SHISA9: variants seen among roughly 807,000 people sequenced by gnomAD.
SHISA9 encodes protein shisa-9.
Under a neutral mutation model 38.0 loss-of-function variants are expected in SHISA9, and 13 were observed. That is an observed-to-expected ratio of 0.34 (90% confidence interval 0.22 to 0.54). The LOEUF is 0.54. Among genes scored for constraint, SHISA9 ranks in the 20% least tolerant of loss-of-function variants. SHISA9 has a pLI of 0.91. For missense variants in SHISA9, 538 were observed against 575.8 expected (o/e 0.93, Z 0.67); for synonymous variants, 275 against 242.0 (o/e 1.14, Z -1.27).
chr16:13,134,002 C>A (rs928496848), intron 2 of SHISA9, among the ~76,000 whole-genome samples: 7 of 152,174 alleles, frequency 4.6e-5, no homozygotes, highest in African/African-American at 1.7e-4. Context: ...TATGCCTGCA[C>A]TAGGAGCAGA....
downstream of SHISA9, among the ~76,000 whole-genome samples, chr16:13,241,601 G>T (rs572955122): frequency 6.6e-6 from 1 of 152,352 alleles, no homozygotes; most frequent in South Asian, 2.1e-4. Context: ...AAGACCCTAA[G>T]GATGTGGGCA....
At chr16:13,189,088 T>C (rs944572533) in intron 2 of SHISA9, among the ~76,000 whole-genome samples, 2 of 152,236 alleles carry the variant, frequency 1.3e-5, no homozygotes, top group African/African-American at 4.8e-5. Flanking sequence ...CCCAAGGAAC[T>C]ATCCCTGCTA....
In SHISA9 at chr16:12,970,351, G is replaced by GTA. The variant is rs1182452972; in HGVS notation, c.691+53537_691+53538insAT. Among the ~76,000 whole-genome samples the GTA allele has an allele frequency of 6.7e-5, 3 of 44,898 alleles. No individual in the cohort carries two copies. In the South Asian group the frequency reaches 1.4e-3, roughly 21 times the overall value. The allele number at this position is 44,898 out of a possible 152,430, so 29.5% of individuals were successfully genotyped here. Reference sequence around the variant, plus strand: ...CATATATATATATATATACATATATGTGTATATATATATATATACATATAT... The same window carrying GTA: ...CATATATATATATATATACATATATGTATGTATATATATATATATACATATAT... On this transcript the variant is annotated intron_variant, in intron 2 of 4. Coordinates refer to ENST00000558583, the MANE Select transcript of SHISA9 (RefSeq NM_001145204.3).
At chr16:13,007,151 A>T (rs2072608535) in intron 2 of SHISA9, among the ~76,000 whole-genome samples, 1 of 152,042 alleles carries the variant, frequency 6.6e-6, no homozygotes, top group Non-Finnish European at 1.5e-5. Flanking sequence ...AGGAACTTCA[A>T]CCTCCCACTC....
At chr16:13,113,211 A>T (rs1175582529) in intron 2 of SHISA9, among the ~76,000 whole-genome samples, 1 of 110,008 alleles carries the variant, frequency 9.1e-6, no homozygotes, top group Non-Finnish European at 2.0e-5. Context: ...CTCCATCTCA[A>T]AAAAAAAAAA....
chr16:13,232,231 A>C (rs2051338223), intron 4 of SHISA9, among the ~76,000 whole-genome samples: 1 of 152,228 alleles, frequency 6.6e-6, no homozygotes. Context: ...GAAAGTTCAA[A>C]AGTTTATTGC....
intron 2 of SHISA9, among the ~76,000 whole-genome samples, chr16:13,073,957 G>GTTTTTTTTTTTTTTTTTTTTTTTTTTT (rs11442270): frequency 9.6e-6 from 1 of 103,858 alleles, no homozygotes; most frequent in Non-Finnish European, 2.1e-5. Context: ...TCTGCTGGTC[G>GTTTTTTTTTTTTTTTTTTTTTTTTTTT]TTTTTTTTTT....
At chr16:13,283,614 C>A in the SHISA9 span, among the ~76,000 whole-genome samples, 1 of 151,934 alleles carries the variant, frequency 6.6e-6, no homozygotes, top group Non-Finnish European at 1.5e-5. Flanking sequence ...ATGGGGGAAA[C>A]CACCCCCATG....
intron 2 of SHISA9, among the ~76,000 whole-genome samples, chr16:12,984,629 T>C (rs1382443760): frequency 6.6e-6 from 1 of 152,068 alleles, no homozygotes; most frequent in Non-Finnish European, 1.5e-5. Context: ...GGGAAATTGG[T>C]TCTTGGGGTT....
At chr16:13,378,919 T>C in the SHISA9 span, among the ~76,000 whole-genome samples, 85 of 152,374 alleles carry the variant, frequency 5.6e-4, no homozygotes, top group South Asian at 4.1e-3. Context: ...TTATATCTGA[T>C]TAACTCTTTG....
the SHISA9 span, chr16:13,246,310 A>T: frequency 3.3e-5 from 5 of 152,042 alleles, no homozygotes; most frequent in African/African-American, 1.2e-4. Context: ...CTTGGCTCCA[A>T]TTCTTCTCCA....
At chr16:13,390,692 T>C in the SHISA9 span, among the ~76,000 whole-genome samples, 1 of 152,344 alleles carries the variant, frequency 6.6e-6, no homozygotes, top group Non-Finnish European at 1.5e-5. Flanking sequence ...GTTACAGTCA[T>C]TCACTATTAT....
intron 2 of SHISA9, among the ~76,000 whole-genome samples, chr16:12,966,581 C>T (rs533274792): frequency 1.3e-5 from 2 of 152,212 alleles, no homozygotes; most frequent in South Asian, 2.1e-4. Flanking sequence ...ATAACAATTC[C>T]ACAAGGAAGG....
chr16:13,128,937 A>G (rs2050284112), intron 2 of SHISA9, among the ~76,000 whole-genome samples: 1 of 152,214 alleles, frequency 6.6e-6, no homozygotes, highest in African/African-American at 2.4e-5. Flanking sequence ...TGGGGATAAT[A>G]GAATTAATAT....
the SHISA9 span, among the ~76,000 whole-genome samples, chr16:13,406,304 T>C: frequency 6.6e-6 from 1 of 152,202 alleles, no homozygotes; most frequent in Non-Finnish European, 1.5e-5. Context: ...TAAAATCCTT[T>C]AATTAACCAA....
chr16:12,953,262 A>C (rs768453342), intron 2 of SHISA9, among the ~76,000 whole-genome samples: 7 of 152,114 alleles, frequency 4.6e-5, no homozygotes, highest in Non-Finnish European at 7.4e-5. Flanking sequence ...AAGCTTATAA[A>C]GGCCAAAGCT....
At chr16:13,538,489 A>C in the SHISA9 span, among the ~76,000 whole-genome samples, 1 of 152,200 alleles carries the variant, frequency 6.6e-6, no homozygotes, top group Non-Finnish European at 1.5e-5. Context: ...GAAAAATAAC[A>C]ATTGTGTCCT....
At chr16:13,420,932 C>T in the SHISA9 span, among the ~76,000 whole-genome samples, 1 of 152,280 alleles carries the variant, frequency 6.6e-6, no homozygotes, top group East Asian at 1.9e-4. Flanking sequence ...CTGCTCCCAG[C>T]GAAACAGCTA....
chr16:13,420,245 CAAAAAAAAAAAAAA>C, the SHISA9 span, among the ~76,000 whole-genome samples: 2 of 50,392 alleles, frequency 4.0e-5, no homozygotes, highest in Non-Finnish European at 6.6e-5. Context: ...GAATCTGTTT[CAAAAAAAAAAAAAA>C]AAAAAAAAAA....
Sources: allele counts gnomAD v4.1 joint callset (sites outside exome capture counted in the v4.1 genomes callset), GRCh38; gene constraint gnomAD v4.1.1; transcripts MANE v1.5; gene names NCBI Gene and HGNC (gene_info 2026-07-23, HGNC 2026-07-21).